Variants in JAKMIP1 observed in about 807,000 individuals in gnomAD.
JAKMIP1 encodes the protein janus kinase and microtubule interacting protein 1.
A neutral mutation model predicts 113.0 loss-of-function variants in JAKMIP1; 33 were observed. The ratio of observed to expected loss-of-function variants is 0.29; its 90% CI spans 0.22 to 0.39. The LOEUF is 0.39. Ranked by LOEUF, JAKMIP1 falls within the 10% of genes least tolerant of loss-of-function variation. The probability of loss-of-function intolerance (pLI) is 1.00; values close to 1 mark genes in which losing one functional copy is unlikely to be tolerated. For missense variants in JAKMIP1, 813 were observed against 1,080.5 expected, an observed-to-expected ratio of 0.75 and a Z score of 3.47; for synonymous variants, 480 against 459.9, an observed-to-expected ratio of 1.04 and a Z score of -0.56.
chr4:6,186,952 C>G lies in JAKMIP1; in HGVS notation c.-148+13301G>C, dbSNP rs1037098240. On this transcript the variant is annotated intron_variant, in intron 1 of 20. Coordinates refer to ENST00000409021, the MANE Select transcript of JAKMIP1 (RefSeq NM_001099433.2). This position sits in a 1 kb window ranked among gnomAD's most constrained non-coding sequence, Gnocchi z 5.5. Reference sequence around the variant, plus strand: ...CAGGTGATCCTCTCACCTCAGCCTCCTAAGTAGCTGGGACTACAGACACAC... The same window carrying G: ...CAGGTGATCCTCTCACCTCAGCCTCGTAAGTAGCTGGGACTACAGACACAC... 9.2e-5 allele frequency among the ~76,000 whole-genome samples: 14 copies of G among 152,130 alleles called. No individual in the cohort carries two copies. The highest frequency in any genetic ancestry group is 1.9e-4 in the Non-Finnish European group (13 of 68,032).
intron 1 of JAKMIP1, among the ~76,000 whole-genome samples, chr4:6,121,247 T>C (rs1191777543): frequency 6.6e-6 from 1 of 150,622 alleles, no homozygotes; most frequent in Non-Finnish European, 1.5e-5. Context: ...ATCAGCATCA[T>C]CATTCTCACT....
chr4:6,060,122 CA>C (rs1355745248), intron 11 of JAKMIP1, among the ~76,000 whole-genome samples: 1 of 152,200 alleles, frequency 6.6e-6, no homozygotes, highest in African/African-American at 2.4e-5. Flanking sequence ...AGGTTCAAGT[CA>C]AAAACAGCTT....
At chr4:6,173,542 T>A (rs979079378) in intron 1 of JAKMIP1, among the ~76,000 whole-genome samples, 1 of 152,200 alleles carries the variant, frequency 6.6e-6, no homozygotes, top group Non-Finnish European at 1.5e-5. Flanking sequence ...TTTTTAAAAA[T>A]GTCTTATTGC....
chr4:6,127,418 G>A (rs538764200), intron 1 of JAKMIP1, among the ~76,000 whole-genome samples: 2 of 152,356 alleles, frequency 1.3e-5, no homozygotes, highest in South Asian at 4.1e-4. Context: ...GGAGATGGGA[G>A]AGACTGTGCC....
At chr4:6,174,775 ACAC>A (rs1219579806) in intron 1 of JAKMIP1, among the ~76,000 whole-genome samples, 2 of 150,500 alleles carry the variant, frequency 1.3e-5, no homozygotes, top group Non-Finnish European at 3.0e-5. Flanking sequence ...ACCCCAAACT[ACAC>A]CACGACACCC....
At position 6,040,984 on chromosome 4, in the gene JAKMIP1, A is replaced by C. The variant is rs1714233527; in HGVS notation, c.2098-268T>G. The stretch of plus-strand genomic sequence containing the variant: ...CTGCCTCTTGGGTACCTGACTGTAA[A>C]GAAGGGACCCACCTCAAACCAAGGC... On this transcript the variant is annotated intron_variant, in intron 17 of 20. Transcript: ENST00000409021. The surrounding 1 kb of genome is among the most constrained non-coding windows in gnomAD (Gnocchi z 5.8). Among the ~76,000 whole-genome samples the C allele has an allele frequency of 6.6e-6, 1 of 152,048 alleles. No homozygotes were observed. The highest frequency in any genetic ancestry group is 2.4e-5 in the African/African-American group (1 of 41,404).
intron 1 of JAKMIP1, among the ~76,000 whole-genome samples, chr4:6,170,011 CTCACCACCACCACATTCCCA>C (rs1277724557): frequency 6.0e-5 from 6 of 100,162 alleles, no homozygotes; most frequent in African/African-American, 1.3e-4. Context: ...CACCACCACC[CTCACCACCACCACATTCCCA>C]TCACCACCAC....
intron 20 of JAKMIP1, among the ~76,000 whole-genome samples, chr4:6,026,762 G>A (rs1173377045): frequency 6.6e-6 from 1 of 151,970 alleles, no homozygotes; most frequent in African/African-American, 2.4e-5. Flanking sequence ...CCTACACCAC[G>A]CTTGCCCAAC....
At chr4:6,132,068 T>C (rs1718579729) in intron 1 of JAKMIP1, among the ~76,000 whole-genome samples, 1 of 152,210 alleles carries the variant, frequency 6.6e-6, no homozygotes. Flanking sequence ...CATTTTTTAT[T>C]CTTAATTGAC....
chr4:6,196,267 A>C (rs1727826279), intron 1 of JAKMIP1, among the ~76,000 whole-genome samples: 1 of 152,170 alleles, frequency 6.6e-6, no homozygotes, highest in South Asian at 2.1e-4. Flanking sequence ...ACTCCCTGCA[A>C]GCGCTCCTGC....
chr4:6,112,613 C>T (rs1030266586), intron 2 of JAKMIP1, 109 bp downstream of exon 2: 11 of 1,333,414 alleles, frequency 8.2e-6, no homozygotes, highest in Admixed American at 1.8e-5. Context: ...GAAGTGCCCC[C>T]CCTCGGCCCC....
rs968601016 is a variant in JAKMIP1 at position 6,108,657 on chromosome 4, C to A, written c.130-2690G>T. On this transcript the variant is annotated intron_variant, in intron 2 of 20. Coordinates refer to ENST00000409021, the MANE Select transcript of JAKMIP1 (RefSeq NM_001099433.2). The surrounding 1 kb of genome is among the most constrained non-coding windows in gnomAD (Gnocchi z 5.6). ...GCAGCAGCCCTCCCCGCCACACCCT[C>A]CATGCTCAAAGCCCTCTAAATCTCA... Among the ~76,000 whole-genome samples the A allele has an allele frequency of 6.6e-6, 1 of 152,186 alleles. No homozygotes were observed. Among genetic ancestry groups the A allele is most frequent in the African/African-American group, 2.4e-5 (1 of 41,464 alleles).
At chr4:6,127,155 G>A (rs1717805423) in intron 1 of JAKMIP1, among the ~76,000 whole-genome samples, 1 of 152,186 alleles carries the variant, frequency 6.6e-6, no homozygotes, top group Admixed American at 6.5e-5. Flanking sequence ...AATGGGCTGG[G>A]GGGCTTCAGA....
Position 6,142,052 on chromosome 4 carries a change from T to C in JAKMIP1, c.-147-29055A>G, listed in dbSNP as rs2108963308. On this transcript the variant is annotated intron_variant, in intron 1 of 20. Coordinates refer to ENST00000409021, the MANE Select transcript of JAKMIP1 (RefSeq NM_001099433.2). The surrounding 1 kb of genome is among the most constrained non-coding windows in gnomAD (Gnocchi z 5.5). ...TACTGACTTCCTTCTGGGCTGCTTT[T>C]CCAGGGGCAGTTTTTACTTAAACTC... Among the ~76,000 whole-genome samples, 1 of 150,984 alleles carries C rather than the reference T, an allele frequency of 6.6e-6. No individual in the cohort carries two copies. Among genetic ancestry groups the C allele is most frequent in the African/African-American group, 2.4e-5 (1 of 40,996 alleles).
In JAKMIP1 at chr4:6,186,333, G is replaced by C. The variant is rs1196282362; in HGVS notation, c.-148+13920C>G. Among the ~76,000 whole-genome samples, 1 of 152,174 alleles carries C rather than the reference G, an allele frequency of 6.6e-6. No individual in the cohort carries two copies. The highest frequency in any genetic ancestry group is 1.5e-5 in the Non-Finnish European group (1 of 68,036). ...TGGAAGTTGGAAAAGGAGGTGGTTA[G>C]AGTCAGGGAAGTAGTCAAGTAGTCA... On this transcript the variant is annotated intron_variant, in intron 1 of 20. Transcript: ENST00000409021. This position sits in a 1 kb window ranked among gnomAD's most constrained non-coding sequence, Gnocchi z 5.5.
At chr4:6,169,929 C>T (rs921615250) in intron 1 of JAKMIP1, among the ~76,000 whole-genome samples, 3 of 151,368 alleles carry the variant, frequency 2.0e-5, no homozygotes. Flanking sequence ...GTTTTTCTAC[C>T]ACCACCGATA....
Position 6,049,912 on chromosome 4 carries a change from A to G in JAKMIP1, c.1909-40T>C. ...CAACGTTCATTTTTGTGTGAGCTAC[A>G]GAGACCAACCATACCAATTTCTAGG... On this transcript the variant is annotated intron_variant, in intron 14 of 20. Transcript: ENST00000409021. The surrounding 1 kb of genome is among the most constrained non-coding windows in gnomAD (Gnocchi z 7.0). The G allele has an allele frequency of 6.9e-7, 1 of 1,454,614 alleles. No individual in the cohort carries two copies. Among genetic ancestry groups the G allele is most frequent in the Non-Finnish European group, 9.6e-7 (1 of 1,037,104 alleles). The allele number at this position is 1,454,614 out of a possible 1,614,324, so 90.1% of individuals were successfully genotyped here. A position where few individuals can be genotyped will look rare whatever the true frequency, so the allele number is the denominator to read the frequency against.
chr4:6,078,831 T>C, intron 8 of JAKMIP1, 108 bp downstream of exon 8: 1 of 957,606 alleles, frequency 1.0e-6, no homozygotes, highest in South Asian at 1.4e-5. Flanking sequence ...GAGATGTGTG[T>C]GTCTGCTTCA....
rs748036486 is a variant in JAKMIP1 at position 6,054,168 on chromosome 4, G to A, written c.1708-20C>T. The A allele has an allele frequency of 1.2e-5, 19 of 1,613,246 alleles. No individual in the cohort carries two copies. The highest frequency in any genetic ancestry group is 1.6e-4 in the Middle Eastern group (1 of 6,080). ...GTAAATCTAGAGCAAAGATACCTGC[G>A]GATTAACAGGATGGGTGGGAGCACT... On this transcript the variant is annotated intron_variant, in intron 12 of 20. Transcript: ENST00000409021.
Sources: gnomAD v4.1 joint callset for allele counts (sites outside exome capture counted in the v4.1 genomes callset) on GRCh38, gnomAD v4.1.1 for gene constraint, Gnocchi (gnomAD v3.1) non-coding constraint, MANE v1.5 for transcripts, NCBI Gene and HGNC (gene_info 2026-07-23, HGNC 2026-07-21) for gene names.